The following CNPY4 variants were observed in gnomAD, a reference collection of about 807,000 sequenced individuals.
The protein encoded by CNPY4 is protein canopy homolog 4.
CNPY4 carries 33 observed loss-of-function variants against 30.1 expected under a neutral mutation model. That is an observed-to-expected ratio of 1.10 (90% CI 0.83 to 1.46). The LOEUF is 1.46. Ranked by LOEUF, CNPY4 falls within the 40% of genes most tolerant of loss-of-function variation. CNPY4 has a pLI of 0.00. For missense variants in CNPY4, 324 were observed against 302.6 expected, an observed-to-expected ratio of 1.07 and a Z score of -0.52; for synonymous variants, 109 against 110.1, an observed-to-expected ratio of 0.99 and a Z score of 0.06.
intron 3 of CNPY4, 48 bp from the exon 4 acceptor site, chr7:100,122,736 A>G: frequency 2.2e-6 from 3 of 1,371,286 alleles, no homozygotes; most frequent in Middle Eastern, 2.0e-4. Flanking sequence ...AGGGGAAGGG[A>G]GGGGTGGGGT....
chr7:100,124,455 C>T, intron 4 of CNPY4, 59 bp from the exon 5 acceptor site: 1 of 1,351,882 alleles, frequency 7.4e-7, no homozygotes. Flanking sequence ...GGAGAGAAGA[C>T]AGGCGGGATC....
In CNPY4 at chr7:100,122,322, T is replaced by C. The variant is rs1211649497; in HGVS notation, c.182T>C (p.Val61Ala). The C allele has an allele frequency of 1.9e-6, 3 of 1,613,724 alleles. No individual in the cohort carries two copies. The highest frequency in any genetic ancestry group is 2.5e-6 in the Non-Finnish European group (3 of 1,179,906). ...AGTCGCACCGGTCGATCTCGAGAGG[T>C]GCTGGAGCTGGGGCAGGTGCTGGAT... ...ELSRTGRSRE[V>A]LELGQVLDTG... is the part of the protein sequence containing the mutation. Residue 61 changes from valine (V) to alanine (A), a missense_variant, in exon 2 of 6, where the codon GTG becomes GCG. Transcript: ENST00000262932.
Position 100,123,187 on chromosome 7 carries a change from C to A in CNPY4, c.465+281C>A, listed in dbSNP as rs1185467692. Among the ~76,000 whole-genome samples, 3 of 151,900 alleles carry A rather than the reference C, an allele frequency of 2.0e-5. No individual in the cohort carries two copies. In the East Asian group the frequency reaches 5.8e-4, roughly 29 times the overall value. On this transcript the variant is annotated intron_variant, in intron 4 of 5. Coordinates refer to ENST00000262932, the MANE Select transcript of CNPY4 (RefSeq NM_152755.2). ...CAAAACCCCGTCTTTAATAAAAACA[C>A]AAAAGTTAGCTGGGCGTGGTGGTGC...
At chr7:100,124,671 G>T (rs1344258607) in intron 5 of CNPY4, 40 bp downstream of exon 5, 2 of 1,611,502 alleles carry the variant, frequency 1.2e-6, no homozygotes, top group Non-Finnish European at 1.7e-6. Context: ...CCAAGCCATA[G>T]CCTCCCCTGC....
intron 1 of CNPY4, 72 bp downstream of exon 1, chr7:100,119,934 C>A: frequency 1.4e-6 from 2 of 1,418,112 alleles, no homozygotes; most frequent in South Asian, 1.4e-5. Context: ...ACATCCTAGC[C>A]TGTATTGGGT....
intron 1 of CNPY4, 68 bp from the exon 2 acceptor site, chr7:100,122,191 C>T (rs748344981): frequency 3.0e-5 from 48 of 1,593,848 alleles, no homozygotes; most frequent in Non-Finnish European, 4.0e-5. Context: ...TGCCTCAGGT[C>T]ATCTGCAGAA....
rs762462204 is a variant in CNPY4 at position 100,124,820 on chromosome 7, G to A, written c.679G>A (p.Glu227Lys). ...GCAGGAGGAGGAGGAGGAAGAGGAG[G>A]AAGAGGAAGGGGGAGACAAGATGAC... ...EEQEEEEEEE[E>K]EEGGDKMTKT... Residue 227 changes from glutamate (E) to lysine (K), a missense_variant, in exon 6 of 6, where the codon GAA becomes AAA. Glu to Lys is a moderately conservative substitution (Grantham distance 56). Coordinates refer to ENST00000262932, the MANE Select transcript of CNPY4 (RefSeq NM_152755.2). 5.4e-5 allele frequency: 87 copies of A among 1,613,190 alleles called. No individual in the cohort carries two copies. The South Asian group carries it at 8.7e-4, about 16-fold the overall frequency.
intron 4 of CNPY4, among the ~76,000 whole-genome samples, chr7:100,123,373 A>T (rs1052527730): frequency 2.0e-5 from 3 of 151,772 alleles, no homozygotes; most frequent in Admixed American, 6.6e-5. Flanking sequence ...AACAAAAAAA[A>T]AGAAATCATA....
chr7:100,121,646 T>C (rs985784187), intron 1 of CNPY4, among the ~76,000 whole-genome samples: 2 of 151,660 alleles, frequency 1.3e-5, no homozygotes, highest in African/African-American at 2.4e-5. Context: ...GGTTTCACCA[T>C]GTGGGCCAGG....
chr7:100,123,311 C>T (rs906851744), intron 4 of CNPY4, among the ~76,000 whole-genome samples: 1 of 151,296 alleles, frequency 6.6e-6, no homozygotes, highest in Non-Finnish European at 1.5e-5. Flanking sequence ...CATTGCACTC[C>T]AGCCAGGGCG....
At chr7:100,119,930 T>A in intron 1 of CNPY4, 68 bp downstream of exon 1, 1 of 1,421,726 alleles carries the variant, frequency 7.0e-7, no homozygotes, top group Non-Finnish European at 9.5e-7. Flanking sequence ...CCGGACATCC[T>A]AGCCTGTATT....
Position 100,124,871 on chromosome 7 carries a change from G to T in CNPY4, c.730G>T (p.Asp244Tyr). ...MTKTGSHPKL[D>Y]REDL ...CAAGACAGGAAGCCACCCCAAACTT[G>T]ACCGAGAAGATCTTTGACCCTTGCC... The change falls in exon 6 of 6, where the codon GAC becomes TAC. Residue 244 changes from aspartate (D) to tyrosine (Y), a missense_variant. Coordinates refer to ENST00000262932, the MANE Select transcript of CNPY4 (RefSeq NM_152755.2). The T allele has an allele frequency of 6.3e-7, 1 of 1,599,086 alleles. No individual in the cohort carries two copies. The highest frequency in any genetic ancestry group is 8.5e-7 in the Non-Finnish European group (1 of 1,172,734).
chr7:100,121,721 T>G (rs1798072777), intron 1 of CNPY4, among the ~76,000 whole-genome samples: 1 of 151,488 alleles, frequency 6.6e-6, no homozygotes, highest in African/African-American at 2.4e-5. Context: ...ATTACAGGTG[T>G]GAGCCACCAC....
Position 100,122,881 on chromosome 7 carries a change from TGGA to T in CNPY4, c.443_445del (p.Glu148del). 1 of 1,613,516 alleles carries T rather than the reference TGGA, an allele frequency of 6.2e-7. No individual in the cohort carries two copies. The highest frequency in any genetic ancestry group is 1.1e-5 in the South Asian group (1 of 90,908). ...CTGGAGCTTTGGGATGAGCCCAGCG[TGGA>T]GGTCACATACCTCAAGAAGCAGGTA... On this transcript the variant is annotated inframe_deletion, in exon 4 of 6. Transcript: ENST00000262932.
chr7:100,124,819 G>A lies in CNPY4; in HGVS notation c.678G>A (p.Glu226=), dbSNP rs1584590510. 6.2e-7 allele frequency: 1 copy of A among 1,613,274 alleles called. No individual in the cohort carries two copies. The highest frequency in any genetic ancestry group is 8.5e-7 in the Non-Finnish European group (1 of 1,179,602). Reference sequence around the variant, plus strand: ...AGCAGGAGGAGGAGGAGGAAGAGGAGGAAGAGGAAGGGGGAGACAAGATGA... The same window carrying A: ...AGCAGGAGGAGGAGGAGGAAGAGGAAGAAGAGGAAGGGGGAGACAAGATGA... The part of the protein sequence containing the change: ...EEEQEEEEEE[E]EEEGGDKMTK... Residue 226 remains glutamate (E), a synonymous_variant, in exon 6 of 6, where the codon GAG becomes GAA. Coordinates refer to ENST00000262932, the MANE Select transcript of CNPY4 (RefSeq NM_152755.2).
rs141457365 is a variant in CNPY4, at chr7:100,124,796, C to CAGGAGG, written c.666_671dup (p.Glu228_Glu229dup). On this transcript the variant is annotated inframe_insertion, in exon 6 of 6. Transcript: ENST00000262932. ...AGAGAAAACAGAAGGGGAGGAAGAG[C>CAGGAGG]AGGAGGAGGAGGAGGAAGAGGAGGA... is the stretch of plus-strand genomic sequence containing the variant. 4.0e-5 allele frequency: 65 copies of CAGGAGG among 1,612,366 alleles called. No homozygotes were observed. The South Asian group carries it at 5.2e-4, about 13-fold the overall frequency.
intron 4 of CNPY4, 40 bp from the exon 5 acceptor site, chr7:100,124,474 C>A: frequency 6.6e-7 from 1 of 1,504,292 alleles, no homozygotes; most frequent in Non-Finnish European, 9.2e-7. Context: ...TCCCAAATCC[C>A]TCCAGAGCAG....
intron 4 of CNPY4, among the ~76,000 whole-genome samples, chr7:100,123,448 TGTTTGAGACCAGA>T (rs1798125231): frequency 6.6e-6 from 1 of 152,026 alleles, no homozygotes; most frequent in Admixed American, 6.6e-5. Flanking sequence ...GGAGAAGGAC[TGTTTGAGACCAGA>T]GTTAGAGACC....
At chr7:100,123,471 C>T (rs775328993) in intron 4 of CNPY4, among the ~76,000 whole-genome samples, 5 of 152,196 alleles carry the variant, frequency 3.3e-5, no homozygotes, top group Admixed American at 6.5e-5. Flanking sequence ...AGTTAGAGAC[C>T]AGCTTGTGCA....
Sources: gnomAD v4.1 joint callset for allele counts (sites outside exome capture counted in the v4.1 genomes callset) on GRCh38, gnomAD v4.1.1 for gene constraint, MANE v1.5 for transcripts, NCBI Gene and HGNC (gene_info 2026-07-23, HGNC 2026-07-21) for gene names.